The following CAMK2G variants were observed in gnomAD, a reference collection of about 807,000 sequenced individuals.
The protein encoded by CAMK2G is calcium/calmodulin dependent protein kinase II gamma.
A neutral mutation model predicts 88.7 loss-of-function variants in CAMK2G; 23 were observed. That is an observed-to-expected ratio of 0.26 (90% CI 0.19 to 0.37). The LOEUF is 0.37. Among genes scored for constraint, CAMK2G ranks in the 10% least tolerant of loss-of-function variants. CAMK2G has a pLI of 1.00. For missense variants in CAMK2G, 476 were observed against 780.8 expected (o/e 0.61, Z 4.65); for synonymous variants, 263 against 294.8 (o/e 0.89, Z 1.11).
Position 73,874,541 on chromosome 10 carries a change from G to A in CAMK2G, c.-80C>T, listed in dbSNP as rs1591563160. Reference sequence around the variant, plus strand: ...CACCGCCGCCCGGCCGAGGGAGCAAGAGGAGGAGACGGGGCTGAGCCCGGC... The same window carrying A: ...CACCGCCGCCCGGCCGAGGGAGCAAAAGGAGGAGACGGGGCTGAGCCCGGC... On this transcript the variant is annotated 5_prime_UTR_variant, in exon 1 of 23. Coordinates refer to ENST00000423381, the MANE Select transcript of CAMK2G (RefSeq NM_001367534.1). The A allele has an allele frequency of 9.7e-7, 1 of 1,029,082 alleles. No individual in the cohort carries two copies. Among genetic ancestry groups the A allele is most frequent in the South Asian group, 2.1e-5 (1 of 48,008 alleles). The allele number at this position is 1,029,082 out of a possible 1,614,324, so 63.7% of individuals were successfully genotyped here.
chr10:73,814,924 CCTCCCAGCCTT>C (rs2084929294), intron 22 of CAMK2G, 68 bp downstream of exon 22: 1 of 990,708 alleles, frequency 1.0e-6, no homozygotes, highest in East Asian at 2.6e-5. Flanking sequence ...CCCAGGACCA[CCTCCCAGCCTT>C]CTCTTCTTCC....
chr10:73,842,635 G>T lies in CAMK2G; in HGVS notation c.820-94C>A. Reference sequence around the variant, plus strand: ...GATACCATGCCCAGGACAGGGTCATGCACTCAGCCACCCCAGAGTTGCTCT... The same window carrying T: ...GATACCATGCCCAGGACAGGGTCATTCACTCAGCCACCCCAGAGTTGCTCT... On this transcript the variant is annotated intron_variant, in intron 10 of 22. Coordinates refer to ENST00000423381, the MANE Select transcript of CAMK2G (RefSeq NM_001367534.1). This position sits in a 1 kb window ranked among gnomAD's most constrained non-coding sequence, Gnocchi z 4.6. 1 of 858,904 alleles carries T rather than the reference G, an allele frequency of 1.2e-6. No individual in the cohort carries two copies. Among genetic ancestry groups the T allele is most frequent in the Non-Finnish European group, 1.9e-6 (1 of 513,288 alleles). 53.2% of individuals were successfully genotyped at this position (858,904 alleles called of 1,614,324 possible). A position where few individuals can be genotyped will look rare whatever the true frequency, so the allele number is the denominator to read the frequency against.
At chr10:73,825,374 T>C (rs745509819) in intron 15 of CAMK2G, 27 bp from the exon 16 acceptor site, 1 of 1,594,924 alleles carries the variant, frequency 6.3e-7, no homozygotes, top group South Asian at 1.1e-5. Context: ...GATGGTTTAG[T>C]TCCTCCAGAG....
rs563056720 is a variant in CAMK2G at position 73,866,574 on chromosome 10, G to A, written c.161-5685C>T. 2.6e-5 allele frequency among the ~76,000 whole-genome samples: 4 copies of A among 152,282 alleles called. No homozygotes were observed. The East Asian group carries it at 7.7e-4, about 29-fold the overall frequency. On this transcript the variant is annotated intron_variant, in intron 2 of 22. Transcript: ENST00000423381. ...GATGCACATTCCTACTCTGACTGAGGACTCTCCCAAGTTCCAATCTCAAAG... is the reference window on the plus strand; with the variant it reads ...GATGCACATTCCTACTCTGACTGAGAACTCTCCCAAGTTCCAATCTCAAAG...
intron 6 of CAMK2G, 64 bp downstream of exon 6, chr10:73,849,197 T>C (rs1050007507): frequency 2.2e-5 from 34 of 1,562,772 alleles, no homozygotes; most frequent in Admixed American, 5.0e-5. Flanking sequence ...GCAGTACCAC[T>C]ATCTGGCACC....
intron 3 of CAMK2G, among the ~76,000 whole-genome samples, chr10:73,860,471 GA>G (rs1172397630): frequency 2.0e-5 from 3 of 152,182 alleles, no homozygotes; most frequent in Non-Finnish European, 4.4e-5. Context: ...ACCCTTGCAT[GA>G]GGGCTGTGGA....
At chr10:73,824,300 GAA>G (rs1246744147) in intron 16 of CAMK2G, among the ~76,000 whole-genome samples, 3 of 152,194 alleles carry the variant, frequency 2.0e-5, no homozygotes, top group African/African-American at 2.4e-5. Flanking sequence ...GGGCTGGTAA[GAA>G]AGAGAGGCCT....
Position 73,839,451 on chromosome 10 carries a change from C to T in CAMK2G, c.1009+88G>A, listed in dbSNP as rs988957534. The stretch of plus-strand genomic sequence containing the variant: ...CAGCCCGCAAGCATGGGACTCGCCT[C>T]CCTGGTGAGTGGGCCCGGCATGCTG... On this transcript the variant is annotated intron_variant, in intron 13 of 22. Coordinates refer to ENST00000423381, the MANE Select transcript of CAMK2G (RefSeq NM_001367534.1). This position sits in a 1 kb window ranked among gnomAD's most constrained non-coding sequence, Gnocchi z 4.2. The T allele has an allele frequency of 4.3e-4, 305 of 703,778 alleles. 2 individuals carry two copies. The highest frequency in any genetic ancestry group is 2.4e-3 in the Admixed American group (56 of 23,030). The allele number at this position is 703,778 out of a possible 1,614,324, so 43.6% of individuals were successfully genotyped here. A position where few individuals can be genotyped will look rare whatever the true frequency, so the allele number is the denominator to read the frequency against.
Position 73,817,102 on chromosome 10 carries a change from T to C in CAMK2G, c.1455A>G (p.Pro485=). Residue 485 remains proline (P), a synonymous_variant, in exon 21 of 23, where the codon CCA becomes CCG. Coordinates refer to ENST00000423381, the MANE Select transcript of CAMK2G (RefSeq NM_001367534.1). The part of the protein sequence containing the change: ...DFEAYTKICD[P]GLTSFEPEAL... ...CCTCAGGCTCAAAGGAAGTGAGGCCTGGATCACAAATCTTCCTACAGGGAG... is the reference window on the plus strand; with the variant it reads ...CCTCAGGCTCAAAGGAAGTGAGGCCCGGATCACAAATCTTCCTACAGGGAG... 6.2e-7 allele frequency: 1 copy of C among 1,609,972 alleles called. No individual in the cohort carries two copies. Among genetic ancestry groups the C allele is most frequent in the African/African-American group, 1.3e-5 (1 of 74,600 alleles).
In CAMK2G at chr10:73,842,622, A is replaced by T; in HGVS notation, c.820-81T>A. The T allele has an allele frequency of 2.0e-6, 2 of 1,015,224 alleles. No individual in the cohort carries two copies. Among genetic ancestry groups the T allele is most frequent in the Non-Finnish European group, 3.1e-6 (2 of 643,514 alleles). 62.9% of individuals were successfully genotyped at this position (1,015,224 alleles called of 1,614,324 possible). A position where few individuals can be genotyped will look rare whatever the true frequency, so the allele number is the denominator to read the frequency against. On this transcript the variant is annotated intron_variant, in intron 10 of 22. Transcript: ENST00000423381. This position sits in a 1 kb window ranked among gnomAD's most constrained non-coding sequence, Gnocchi z 4.6. ...CAGTCCTGGCACCGATACCATGCCC[A>T]GGACAGGGTCATGCACTCAGCCACC...
Position 73,817,075 on chromosome 10 carries a change from G to C in CAMK2G, c.1482C>G (p.Ala494=). The change falls in exon 21 of 23, where the codon GCC becomes GCG. Residue 494 remains alanine (A), a synonymous_variant. Transcript: ENST00000423381. ...CCATCCCCTCCACGAGGTTACCAAG[G>C]GCCTCAGGCTCAAAGGAAGTGAGGC... The part of the protein sequence containing the change: ...DPGLTSFEPE[A]LGNLVEGMDF... 1 of 1,613,912 alleles carries C rather than the reference G, an allele frequency of 6.2e-7. No homozygotes were observed.
chr10:73,825,417 C>T, intron 15 of CAMK2G, 70 bp from the exon 16 acceptor site: 2 of 1,205,088 alleles, frequency 1.7e-6, no homozygotes, highest in Non-Finnish European at 2.5e-6. Context: ...ACTCCCAGAC[C>T]TCCCTTGCCC....
At chr10:73,860,797 T>C in intron 3 of CAMK2G, 33 bp downstream of exon 3, 5 of 1,542,390 alleles carry the variant, frequency 3.2e-6, no homozygotes, top group Non-Finnish European at 4.5e-6. Context: ...TTCTACAAAA[T>C]ACCCACAAAA....
At chr10:73,870,909 T>C (rs949967044) in intron 2 of CAMK2G, among the ~76,000 whole-genome samples, 1 of 152,122 alleles carries the variant, frequency 6.6e-6, no homozygotes, top group Non-Finnish European at 1.5e-5. Flanking sequence ...CCCACACCTA[T>C]AGTCCAGCCC....
At chr10:73,865,897 C>A (rs1169597565) in intron 2 of CAMK2G, among the ~76,000 whole-genome samples, 1 of 144,370 alleles carries the variant, frequency 6.9e-6, no homozygotes, top group East Asian at 2.2e-4. Flanking sequence ...TCCTGTTTGA[C>A]AACTGCCACT....
At chr10:73,845,105 G>A (rs2094131456) in intron 10 of CAMK2G, among the ~76,000 whole-genome samples, 1 of 152,162 alleles carries the variant, frequency 6.6e-6, no homozygotes, top group Non-Finnish European at 1.5e-5. Flanking sequence ...AACCAGCATA[G>A]GAACAGGCCC....
chr10:73,845,204 T>C (rs1468112202), intron 10 of CAMK2G, among the ~76,000 whole-genome samples: 1 of 152,202 alleles, frequency 6.6e-6, no homozygotes, highest in Non-Finnish European at 1.5e-5. Context: ...TTTTAGCTTC[T>C]TTTCTAATCT....
At chr10:73,843,266 T>A (rs1242034515) in intron 10 of CAMK2G, among the ~76,000 whole-genome samples, 1 of 152,158 alleles carries the variant, frequency 6.6e-6, no homozygotes, top group Non-Finnish European at 1.5e-5. Context: ...GTTGGCCATG[T>A]TGGCCAGGCT....
intron 3 of CAMK2G, among the ~76,000 whole-genome samples, chr10:73,854,092 C>T (rs1041800166): frequency 6.6e-6 from 1 of 152,134 alleles, no homozygotes; most frequent in Non-Finnish European, 1.5e-5. Context: ...CTACCTGACT[C>T]CAAAGACTGT....
Sources: allele counts gnomAD v4.1 joint callset (sites outside exome capture counted in the v4.1 genomes callset), GRCh38; gene constraint gnomAD v4.1.1; non-coding constraint Gnocchi (gnomAD v3.1); transcripts MANE v1.5; gene names NCBI Gene and HGNC (gene_info 2026-07-23, HGNC 2026-07-21).